Variants in TAFA2 observed in about 807,000 individuals in gnomAD.
The protein encoded by TAFA2 is chemokine-like protein TAFA-2.
Under a neutral mutation model 18.8 loss-of-function variants are expected in TAFA2, and 7 were observed. The ratio of observed to expected loss-of-function variants is 0.37; its 90% CI spans 0.21 to 0.70. The LOEUF (loss-of-function observed/expected upper bound fraction) is 0.70, where lower values mean the gene tolerates loss of function less well. TAFA2 is among the 30% of genes least tolerant of loss of function. The pLI is 0.53. For missense variants in TAFA2, 122 were observed against 158.1 expected, an observed-to-expected ratio of 0.77 and a Z score of 1.23; for synonymous variants, 60 against 54.2, an observed-to-expected ratio of 1.11 and a Z score of -0.47.
intron 1 of TAFA2, among the ~76,000 whole-genome samples, chr12:61,995,403 T>C (rs1565709356): frequency 6.6e-6 from 1 of 152,234 alleles, no homozygotes; most frequent in Non-Finnish European, 1.5e-5. Flanking sequence ...TCGTTTCAAA[T>C]GTCTTCTTCA....
chr12:61,879,524 A>G, intron 1 of TAFA2: 1 of 715,076 alleles, frequency 1.4e-6, no homozygotes, highest in South Asian at 1.5e-5. Flanking sequence ...GTCATGGTCA[A>G]CCAGAGCCTG....
chr12:62,001,783 C>T (rs1465698326), intron 1 of TAFA2, among the ~76,000 whole-genome samples: 1 of 152,058 alleles, frequency 6.6e-6, no homozygotes, highest in Non-Finnish European at 1.5e-5. Flanking sequence ...TAATGATTCA[C>T]ATTATATATC....
intron 4 of TAFA2, among the ~76,000 whole-genome samples, chr12:61,737,543 A>G (rs556346454): frequency 2.6e-5 from 4 of 151,854 alleles, no homozygotes; most frequent in African/African-American, 9.6e-5. Context: ...TCTTGGGATT[A>G]TGCTCACTTA....
chr12:62,149,584 A>G (rs542168094), intron 1 of TAFA2, among the ~76,000 whole-genome samples: 298 of 147,636 alleles, frequency 2.0e-3, no homozygotes, highest in Non-Finnish European at 3.8e-3. Flanking sequence ...ATATATATAC[A>G]CATTATATAT....
intron 1 of TAFA2, among the ~76,000 whole-genome samples, chr12:62,033,033 A>C (rs1185584067): frequency 1.3e-5 from 2 of 152,134 alleles, no homozygotes; most frequent in Non-Finnish European, 2.9e-5. Flanking sequence ...TCTGCCCTGC[A>C]TGGAAACACG....
At chr12:61,890,692 T>A (rs933347174) in intron 1 of TAFA2, among the ~76,000 whole-genome samples, 10 of 152,178 alleles carry the variant, frequency 6.6e-5, no homozygotes, top group African/African-American at 2.2e-4. Context: ...TTTCTCTACC[T>A]CTTGACAGGT....
chr12:61,862,095 A>C (rs1388909865), intron 2 of TAFA2, among the ~76,000 whole-genome samples: 1 of 152,206 alleles, frequency 6.6e-6, no homozygotes, highest in African/African-American at 2.4e-5. Context: ...GTGATGGGTA[A>C]GGAAAGAAAA....
At chr12:62,016,281 G>A (rs1880933881) in intron 1 of TAFA2, among the ~76,000 whole-genome samples, 1 of 152,112 alleles carries the variant, frequency 6.6e-6, no homozygotes. Flanking sequence ...TGTGACCAGT[G>A]AGAAACCTCA....
intron 1 of TAFA2, among the ~76,000 whole-genome samples, chr12:62,078,846 T>A (rs1197198664): frequency 6.6e-6 from 1 of 152,184 alleles, no homozygotes; most frequent in Non-Finnish European, 1.5e-5. Flanking sequence ...ACAGTGACAC[T>A]CTGGGTACCT....
chr12:62,184,290 C>T (rs1224114513), intron 1 of TAFA2, among the ~76,000 whole-genome samples: 1 of 152,086 alleles, frequency 6.6e-6, no homozygotes, highest in Admixed American at 6.6e-5. Flanking sequence ...TAAATGCATA[C>T]ATATCTTAGC....
At chr12:61,960,376 C>G (rs1878841423) in intron 1 of TAFA2, among the ~76,000 whole-genome samples, 1 of 151,950 alleles carries the variant, frequency 6.6e-6, no homozygotes, top group African/African-American at 2.4e-5. Context: ...AAAACACAAA[C>G]TGTGTCTAAT....
chr12:61,976,838 G>A (rs915081513), intron 1 of TAFA2, among the ~76,000 whole-genome samples: 3 of 151,956 alleles, frequency 2.0e-5, no homozygotes, highest in Non-Finnish European at 4.4e-5. Context: ...CCATGTCCCT[G>A]CAAAGGACAT....
intron 2 of TAFA2, among the ~76,000 whole-genome samples, chr12:61,849,756 C>T (rs77823542): frequency 0.029 from 4,472 of 152,198 alleles, 227 homozygotes; most frequent in African/African-American, 0.1. Context: ...GTACTTTAGA[C>T]GGTCTCACCT....
chr12:62,028,010 T>C (rs1259285617), intron 1 of TAFA2, among the ~76,000 whole-genome samples: 1 of 152,190 alleles, frequency 6.6e-6, no homozygotes, highest in African/African-American at 2.4e-5. Flanking sequence ...AGTCTAGGTC[T>C]TGGTTTCCTA....
At chr12:62,181,769 T>C (rs563276476) in intron 1 of TAFA2, among the ~76,000 whole-genome samples, 1 of 152,320 alleles carries the variant, frequency 6.6e-6, no homozygotes, top group Non-Finnish European at 1.5e-5. Flanking sequence ...CTTCTGACAT[T>C]AGCCAAACTG....
chr12:61,785,018 C>A (rs752963616), intron 2 of TAFA2, among the ~76,000 whole-genome samples: 2 of 151,450 alleles, frequency 1.3e-5, no homozygotes, highest in Non-Finnish European at 3.0e-5. Flanking sequence ...TTATTGTTAA[C>A]TATAATCATC....
At chr12:61,757,064 T>G (rs1016622005) in intron 2 of TAFA2, among the ~76,000 whole-genome samples, 1 of 152,062 alleles carries the variant, frequency 6.6e-6, no homozygotes, top group African/African-American at 2.4e-5. Context: ...ATGGGAAATC[T>G]TTGGGTAGAA....
At chr12:62,071,074 A>C (rs1592317674) in intron 1 of TAFA2, among the ~76,000 whole-genome samples, 2 of 152,236 alleles carry the variant, frequency 1.3e-5, no homozygotes, top group South Asian at 2.1e-4. Context: ...AACCTCTTGC[A>C]GACACAGTTC....
chr12:62,135,355 T>C (rs1870853643), intron 1 of TAFA2, among the ~76,000 whole-genome samples: 2 of 151,980 alleles, frequency 1.3e-5, no homozygotes, highest in Middle Eastern at 3.2e-3. Context: ...TCAAGCAAAA[T>C]GTCAGTTCTG....
Sources: allele counts gnomAD v4.1 joint callset (sites outside exome capture counted in the v4.1 genomes callset), GRCh38; gene constraint gnomAD v4.1.1; transcripts MANE v1.5; gene names NCBI Gene and HGNC (gene_info 2026-07-23, HGNC 2026-07-21).